The following GYPC variants were observed in gnomAD, a reference collection of about 807,000 sequenced individuals.
GYPC encodes the protein glycophorin C (Gerbich blood group), also known as glycophorin-C.
In GYPC, 14 loss-of-function variants were observed where a neutral mutation model predicts 12.6. That is an observed-to-expected ratio of 1.11 (90% CI 0.74 to 1.74). The LOEUF is 1.74. Among genes scored for constraint, GYPC ranks in the 40% most tolerant of loss-of-function variants. The probability of loss-of-function intolerance (pLI) is 0.00; values close to 1 mark genes in which losing one functional copy is unlikely to be tolerated. For synonymous variants in GYPC, 78 were observed against 62.1 expected, an observed-to-expected ratio of 1.26 and a Z score of -1.20; for missense variants, 225 against 172.1, an observed-to-expected ratio of 1.31 and a Z score of -1.72.
chr2:126,689,415 C>A (rs1283534792), intron 1 of GYPC, among the ~76,000 whole-genome samples: 1 of 152,084 alleles, frequency 6.6e-6, no homozygotes, highest in African/African-American at 2.4e-5. Flanking sequence ...GCAGTTAAAG[C>A]AACACCTGGT....
intron 1 of GYPC, among the ~76,000 whole-genome samples, chr2:126,674,869 T>C (rs996388994): frequency 5.3e-5 from 8 of 152,240 alleles, no homozygotes; most frequent in Non-Finnish European, 8.8e-5. Flanking sequence ...CTTCTGTTAC[T>C]GTTAACCCCC....
intron 1 of GYPC, among the ~76,000 whole-genome samples, chr2:126,681,570 C>T (rs1488876666): frequency 6.6e-6 from 1 of 152,010 alleles, no homozygotes; most frequent in Non-Finnish European, 1.5e-5. Context: ...GTACTTGTTT[C>T]TAGGAATCCC....
intron 1 of GYPC, chr2:126,686,601 G>C (rs1683297896): frequency 4.1e-6 from 4 of 980,538 alleles, no homozygotes; most frequent in Non-Finnish European, 4.8e-6. Flanking sequence ...GCTGAGTATA[G>C]AGTTGTGAGC....
At chr2:126,679,889 T>G (rs183409327) in intron 1 of GYPC, 2 of 152,162 alleles carry the variant, frequency 1.3e-5, no homozygotes, top group Admixed American at 1.3e-4. Context: ...AAAAATTAAT[T>G]CAGAGACAGA....
At chr2:126,672,032 G>A (rs2104782007) in intron 1 of GYPC, among the ~76,000 whole-genome samples, 1 of 152,322 alleles carries the variant, frequency 6.6e-6, no homozygotes, top group South Asian at 2.1e-4. Flanking sequence ...GGCAGGTGCA[G>A]GCCTGGTCTG....
chr2:126,688,878 A>C (rs1445759192), intron 1 of GYPC, among the ~76,000 whole-genome samples: 1 of 151,812 alleles, frequency 6.6e-6, no homozygotes. Flanking sequence ...AGTGGAAATG[A>C]CTATTATGAA....
intron 1 of GYPC, among the ~76,000 whole-genome samples, chr2:126,674,187 GA>G (rs1257864464): frequency 3.3e-5 from 5 of 152,160 alleles, no homozygotes; most frequent in Non-Finnish European, 2.9e-5. Context: ...GCCTGCCTCT[GA>G]TAAGCCTCCG....
At chr2:126,656,391 C>A in intron 1 of GYPC, 79 bp downstream of exon 1, 1 of 1,257,076 alleles carries the variant, frequency 8.0e-7, no homozygotes, top group Non-Finnish European at 1.1e-6. Context: ...CGAGCCACGG[C>A]CACGGACGCC....
At chr2:126,695,286 G>T (rs530773302) in intron 3 of GYPC, among the ~76,000 whole-genome samples, 147 of 152,278 alleles carry the variant, frequency 9.7e-4, no homozygotes, top group African/African-American at 3.4e-3. Flanking sequence ...GTTCAGTCCT[G>T]GGGTATGATT....
chr2:126,685,722 G>A (rs770563561), intron 1 of GYPC: 20 of 938,448 alleles, frequency 2.1e-5, no homozygotes, highest in Admixed American at 6.2e-5. Flanking sequence ...TAGGTTCCTC[G>A]CAATTGAACA....
At position 126,693,897 on chromosome 2, in the gene GYPC, G is replaced by A. The variant is rs545780841; in HGVS notation, c.140G>A (p.Gly47Asp). 3.7e-6 allele frequency: 6 copies of A among 1,612,462 alleles called. No individual in the cohort carries two copies. The East Asian group carries it at 1.3e-4, about 36-fold the overall frequency. The change falls in exon 3 of 4, where the codon GGC becomes GAC. Residue 47 changes from glycine (G) to aspartate (D), a missense_variant. By Grantham distance (94) the Gly-to-Asp change is moderately conservative. Transcript: ENST00000259254. ...CCAGGGATGTCTGGATGGCCGGATG[G>A]CAGAATGGAGACCTCCACCCCCACC... ...PDPGMSGWPD[G>D]RMETSTPTIM...
intron 1 of GYPC, among the ~76,000 whole-genome samples, chr2:126,669,155 G>C (rs1407260032): frequency 6.6e-6 from 1 of 152,198 alleles, no homozygotes; most frequent in Non-Finnish European, 1.5e-5. Context: ...GGTGATCAAT[G>C]CTGACTGCTG....
intron 1 of GYPC, among the ~76,000 whole-genome samples, chr2:126,687,378 T>A (rs1558890102): frequency 6.6e-6 from 1 of 152,234 alleles, no homozygotes; most frequent in Non-Finnish European, 1.5e-5. Flanking sequence ...TCAGTAGGTC[T>A]GGGCTGGGGC....
Position 126,696,485 on chromosome 2 carries a change from G to A in GYPC, c.*343G>A, listed in dbSNP as rs959403048. 1.1e-5 allele frequency: 4 copies of A among 369,248 alleles called. No individual in the cohort carries two copies. The highest frequency in any genetic ancestry group is 2.1e-5 in the Non-Finnish European group (4 of 192,022). 22.9% of individuals were successfully genotyped at this position (369,248 alleles called of 1,614,324 possible). A position where few individuals can be genotyped will look rare whatever the true frequency, so the allele number is the denominator to read the frequency against. ...AAGTCCTTGTTGAGGGTGAGGGGGT[G>A]CTGGGGTACCCGGGGGCTGGGGAAG... On this transcript the variant is annotated 3_prime_UTR_variant, in exon 4 of 4. Coordinates refer to ENST00000259254, the MANE Select transcript of GYPC (RefSeq NM_002101.5).
At chr2:126,666,883 G>A (rs566546655) in intron 1 of GYPC, among the ~76,000 whole-genome samples, 3 of 152,130 alleles carry the variant, frequency 2.0e-5, no homozygotes, top group Non-Finnish European at 2.9e-5. Context: ...TTCGGGACAG[G>A]GCAGACAGGC....
At chr2:126,680,508 A>G (rs1022790581) in intron 1 of GYPC, 2 of 152,218 alleles carry the variant, frequency 1.3e-5, no homozygotes, top group Non-Finnish European at 2.9e-5. Context: ...TAACACACCA[A>G]TAACAAACTC....
Position 126,695,961 on chromosome 2 carries a change from T to C in GYPC, c.206T>C (p.Val69Ala). The change falls in exon 4 of 4, where the codon GTG (valine) becomes GCG (alanine). Residue 69 changes from valine to alanine, a missense_variant. Coordinates refer to ENST00000259254, the MANE Select transcript of GYPC (RefSeq NM_002101.5). ...CCACCTGCAGGTGTGATTGCTGCTG[T>C]GGCCATCGTCCTAGTCTCCCTCCTC... ...IVVIAGVIAAVAIVLVSLLFV... is the reference protein window; with the variant it reads ...IVVIAGVIAAAAIVLVSLLFV... The C allele has an allele frequency of 6.2e-7, 1 of 1,614,036 alleles. No homozygotes were observed. The highest frequency in any genetic ancestry group is 2.2e-5 in the East Asian group (1 of 44,858).
At chr2:126,686,904 C>T (rs546505905) in intron 1 of GYPC, among the ~76,000 whole-genome samples, 275 of 152,230 alleles carry the variant, frequency 1.8e-3, no homozygotes, top group African/African-American at 5.9e-3. Context: ...CTAATCTCAA[C>T]CTCAGAAGTA....
At chr2:126,685,559 A>G (rs1683264182) in intron 1 of GYPC, among the ~76,000 whole-genome samples, 1 of 151,922 alleles carries the variant, frequency 6.6e-6, no homozygotes, top group Non-Finnish European at 1.5e-5. Flanking sequence ...TAATTTTTGT[A>G]TTTTTAGTAG....
Sources: allele counts gnomAD v4.1 joint callset (sites outside exome capture counted in the v4.1 genomes callset), GRCh38; gene constraint gnomAD v4.1.1; transcripts MANE v1.5; gene names NCBI Gene and HGNC (gene_info 2026-07-23, HGNC 2026-07-21).